The following BABAM2 variants were observed in gnomAD, a reference collection of about 807,000 sequenced individuals.
BABAM2 encodes BRISC and BRCA1-A complex member 2.
A neutral mutation model predicts 54.7 loss-of-function variants in BABAM2; 31 were observed. That is an observed-to-expected ratio of 0.57 (90% CI 0.43 to 0.77). BABAM2 has a LOEUF of 0.77. Ranked by LOEUF, BABAM2 falls within the 30% of genes least tolerant of loss-of-function variation. BABAM2 has a pLI of 0.00. For synonymous variants in BABAM2, 167 were observed against 162.9 expected (o/e 1.03, Z -0.19); for missense variants, 364 against 455.8 (o/e 0.80, Z 1.83).
At chr2:28,136,779 G>A (rs1047743236) in intron 7 of BABAM2, among the ~76,000 whole-genome samples, 9 of 152,064 alleles carry the variant, frequency 5.9e-5, no homozygotes, top group Admixed American at 3.3e-4. Flanking sequence ...ATGGTCTCTT[G>A]GAATATTTGG....
intron 6 of BABAM2, among the ~76,000 whole-genome samples, chr2:28,055,099 C>T (rs1678294358): frequency 6.6e-6 from 1 of 152,134 alleles, no homozygotes; most frequent in African/African-American, 2.4e-5. Context: ...ACAATGAGAT[C>T]ATGTCTTTTG....
chr2:28,132,944 T>A (rs1313041354), intron 7 of BABAM2, among the ~76,000 whole-genome samples: 1 of 152,202 alleles, frequency 6.6e-6, no homozygotes, highest in Non-Finnish European at 1.5e-5. Context: ...GGTGAATAAG[T>A]AGTTCTCACC....
chr2:28,312,655 C>G (rs867824732), intron 11 of BABAM2, among the ~76,000 whole-genome samples: 1 of 152,160 alleles, frequency 6.6e-6, no homozygotes, highest in African/African-American at 2.4e-5. Flanking sequence ...AAATCCACAA[C>G]CAACAGCAGA....
At chr2:28,016,399 T>G in intron 4 of BABAM2, 2 of 1,405,958 alleles carry the variant, frequency 1.4e-6, no homozygotes, top group South Asian at 2.3e-5. Context: ...CCTGTATTTT[T>G]GGCCCTGAAG....
chr2:28,054,379 AT>A (rs1422624469), intron 6 of BABAM2, among the ~76,000 whole-genome samples: 1 of 152,092 alleles, frequency 6.6e-6, no homozygotes, highest in African/African-American at 2.4e-5. Context: ...GTAACATAAA[AT>A]TTACTGAATT....
At chr2:27,911,005 A>T (rs1558579957) in intron 2 of BABAM2, among the ~76,000 whole-genome samples, 1 of 152,156 alleles carries the variant, frequency 6.6e-6, no homozygotes. Flanking sequence ...GTTCTCACAC[A>T]ATCTGATGAT....
At chr2:27,921,289 C>T (rs181458602) in intron 2 of BABAM2, among the ~76,000 whole-genome samples, 3 of 152,062 alleles carry the variant, frequency 2.0e-5, no homozygotes, top group Non-Finnish European at 4.4e-5. Flanking sequence ...TTCATTAGAA[C>T]GCATGTAATA....
rs1238176855 is a variant in BABAM2 at position 28,325,741 on chromosome 2, G to A, written c.1089-12709G>A. ...ACATCCTCAAACACCCAGCCAGGGGGGTGAATGTCCCAGAGTGTTGGGTGA... is the reference window on the plus strand; with the variant it reads ...ACATCCTCAAACACCCAGCCAGGGGAGTGAATGTCCCAGAGTGTTGGGTGA... On this transcript the variant is annotated intron_variant, in intron 11 of 11. Transcript: ENST00000379624. The surrounding 1 kb of genome is among the most constrained non-coding windows in gnomAD (Gnocchi z 4.3). Among the ~76,000 whole-genome samples the A allele has an allele frequency of 6.6e-6, 1 of 152,136 alleles. No homozygotes were observed. Among genetic ancestry groups the A allele is most frequent in the African/African-American group, 2.4e-5 (1 of 41,422 alleles).
intron 5 of BABAM2, among the ~76,000 whole-genome samples, chr2:28,028,423 G>A (rs1047224337): frequency 1.5e-5 from 2 of 130,232 alleles, no homozygotes; most frequent in Non-Finnish European, 3.2e-5. Context: ...CCACCCACAC[G>A]CAGAATTACA....
intron 3 of BABAM2, among the ~76,000 whole-genome samples, chr2:27,962,909 A>G (rs575300951): frequency 6.6e-6 from 1 of 152,338 alleles, no homozygotes; most frequent in South Asian, 2.1e-4. Flanking sequence ...ACGAGACAAC[A>G]TTACAGTGCT....
intron 10 of BABAM2, among the ~76,000 whole-genome samples, chr2:28,271,464 A>C (rs770452586): frequency 2.6e-5 from 4 of 152,044 alleles, no homozygotes; most frequent in Non-Finnish European, 5.9e-5. Flanking sequence ...CAGTGACATG[A>C]CTCTGTCACA....
intron 5 of BABAM2, among the ~76,000 whole-genome samples, chr2:28,031,939 G>A (rs1174891248): frequency 6.6e-5 from 10 of 152,148 alleles, no homozygotes; most frequent in Admixed American, 6.5e-4. Flanking sequence ...TGTCTTAGTG[G>A]CATTTTGCAG....
rs572866810 is a variant in BABAM2 at position 28,226,309 on chromosome 2, C to G, written c.681-10893C>G. On this transcript the variant is annotated intron_variant, in intron 7 of 11. Coordinates refer to ENST00000379624, the MANE Select transcript of BABAM2 (RefSeq NM_199191.3). ...TCCAAGACCGTTAAACTCTTCTTTT[C>G]CATAATGACTATTTCCATAAAGATA... Among the ~76,000 whole-genome samples, 3 of 152,288 alleles carry G rather than the reference C, an allele frequency of 2.0e-5. No individual in the cohort carries two copies. In the South Asian group the frequency reaches 6.2e-4, roughly 32 times the overall value.
At chr2:28,028,837 G>C (rs1245077152) in intron 5 of BABAM2, among the ~76,000 whole-genome samples, 1 of 152,082 alleles carries the variant, frequency 6.6e-6, no homozygotes, top group East Asian at 1.9e-4. Flanking sequence ...CGTACTCTCG[G>C]CTCACTGCAA....
chr2:28,064,818 A>G (rs969523635), intron 6 of BABAM2, among the ~76,000 whole-genome samples: 5 of 152,092 alleles, frequency 3.3e-5, no homozygotes, highest in Non-Finnish European at 7.4e-5. Flanking sequence ...CCTGGCCAAC[A>G]TGGTGAAACC....
intron 2 of BABAM2, among the ~76,000 whole-genome samples, chr2:27,917,134 C>T (rs1667034330): frequency 6.6e-6 from 1 of 151,388 alleles, no homozygotes; most frequent in South Asian, 2.1e-4. Context: ...TTTCCTGCCT[C>T]AGCCTCCCAA....
At chr2:27,914,863 G>A (rs72854438) in intron 2 of BABAM2, among the ~76,000 whole-genome samples, 8,246 of 149,230 alleles carry the variant, frequency 0.055, 645 homozygotes, top group African/African-American at 0.17. Context: ...ATATAAAATG[G>A]TGATATAAAA....
chr2:27,899,527 GGCAATGGC>G (rs1454430569), intron 2 of BABAM2, among the ~76,000 whole-genome samples: 4 of 151,800 alleles, frequency 2.6e-5, no homozygotes, highest in Non-Finnish European at 5.9e-5. Context: ...CAGGCTGGAG[GGCAATGGC>G]GCGATCTTGG....
intron 6 of BABAM2, among the ~76,000 whole-genome samples, chr2:28,080,969 G>A (rs1425982635): frequency 6.6e-6 from 1 of 152,138 alleles, no homozygotes; most frequent in South Asian, 2.1e-4. Flanking sequence ...TGGATCTTTT[G>A]TTACCATAAA....
Sources: allele counts gnomAD v4.1 joint callset (sites outside exome capture counted in the v4.1 genomes callset), GRCh38; gene constraint gnomAD v4.1.1; non-coding constraint Gnocchi (gnomAD v3.1); transcripts MANE v1.5; gene names NCBI Gene and HGNC (gene_info 2026-07-23, HGNC 2026-07-21).